Variants in DOCK7 observed in about 807,000 individuals in gnomAD.
The protein encoded by DOCK7 is dedicator of cytokinesis protein 7.
Under a neutral mutation model 271.0 loss-of-function variants are expected in DOCK7, and 138 were observed. The ratio of observed to expected loss-of-function variants is 0.51; its 90% CI spans 0.44 to 0.59. The LOEUF (loss-of-function observed/expected upper bound fraction) is 0.59. Ranked by LOEUF, DOCK7 falls within the 20% of genes least tolerant of loss-of-function variation. The probability of loss-of-function intolerance (pLI) is 0.00; values close to 1 mark genes in which losing one functional copy is unlikely to be tolerated. For synonymous variants in DOCK7, 823 were observed against 876.1 expected, an observed-to-expected ratio of 0.94 and a Z score of 1.07; for missense variants, 2,066 against 2,592.4, an observed-to-expected ratio of 0.80 and a Z score of 4.41.
At chr1:62,468,444 C>T (rs927974907) in intron 48 of DOCK7, among the ~76,000 whole-genome samples, 65 of 151,402 alleles carry the variant, frequency 4.3e-4, no homozygotes, top group Admixed American at 4.0e-3. Context: ...ATGACAAATC[C>T]ACAGCCAACA....
chr1:62,632,520 T>G (rs1452396518), intron 10 of DOCK7, among the ~76,000 whole-genome samples: 1 of 152,214 alleles, frequency 6.6e-6, no homozygotes, highest in Non-Finnish European at 1.5e-5. Context: ...GGGTTTGGGT[T>G]GCTTACCCAG....
chr1:62,625,164 C>A, intron 12 of DOCK7, 95 bp downstream of exon 12: 1 of 1,108,224 alleles, frequency 9.0e-7, no homozygotes. Context: ...TGGAATCACC[C>A]TCCCATACAT....
At chr1:62,621,086 C>T (rs1278586912) in intron 12 of DOCK7, among the ~76,000 whole-genome samples, 1 of 151,636 alleles carries the variant, frequency 6.6e-6, no homozygotes, top group Admixed American at 6.6e-5. Flanking sequence ...AATGCAAAAT[C>T]TGCAGCACTG....
At chr1:62,592,337 T>C (rs1037045007) in intron 14 of DOCK7, among the ~76,000 whole-genome samples, 2 of 152,128 alleles carry the variant, frequency 1.3e-5, no homozygotes, top group Non-Finnish European at 2.9e-5. Context: ...AAATAAATTA[T>C]AGATCAAAGG....
chr1:62,637,143 C>T (rs1248617127), intron 7 of DOCK7, among the ~76,000 whole-genome samples: 1 of 152,110 alleles, frequency 6.6e-6, no homozygotes, highest in Non-Finnish European at 1.5e-5. Flanking sequence ...TCACAGTATA[C>T]ATAATTTGTA....
chr1:62,650,679 C>A (rs1460071398), intron 4 of DOCK7, among the ~76,000 whole-genome samples: 1 of 152,140 alleles, frequency 6.6e-6, no homozygotes, highest in Non-Finnish European at 1.5e-5. Context: ...CTGCAGCCAA[C>A]AGACACATGA....
intron 40 of DOCK7, among the ~76,000 whole-genome samples, chr1:62,493,579 A>G (rs949660209): frequency 6.6e-6 from 1 of 152,120 alleles, no homozygotes; most frequent in African/African-American, 2.4e-5. Flanking sequence ...CCCCCAATCT[A>G]TTTGTCTGGC....
intron 49 of DOCK7, among the ~76,000 whole-genome samples, chr1:62,456,980 C>T (rs938644071): frequency 2.6e-5 from 4 of 152,112 alleles, no homozygotes; most frequent in African/African-American, 9.7e-5. Context: ...GTGTCCTTTC[C>T]AGAATTCCGG....
intron 9 of DOCK7, 89 bp from the exon 10 acceptor site, chr1:62,633,667 A>C (rs1277361143): frequency 1.2e-6 from 1 of 860,440 alleles, no homozygotes; most frequent in African/African-American, 1.7e-5. Context: ...ATAACACATT[A>C]ACAGAATGAC....
At chr1:62,463,605 T>G (rs1403252033) in intron 48 of DOCK7, among the ~76,000 whole-genome samples, 2 of 152,210 alleles carry the variant, frequency 1.3e-5, no homozygotes, top group African/African-American at 2.4e-5. Context: ...CATGGCATAT[T>G]CATAAAACGG....
intron 2 of DOCK7, among the ~76,000 whole-genome samples, chr1:62,660,642 C>T (rs2149710885): frequency 6.6e-6 from 1 of 152,060 alleles, no homozygotes; most frequent in African/African-American, 2.4e-5. Flanking sequence ...AGGTATATAC[C>T]CAAAAGAACT....
rs1427519080 is a variant in DOCK7 at position 62,545,030 on chromosome 1, G to C, written c.2776C>G (p.Arg926Gly). The C allele has an allele frequency of 7.1e-6, 11 of 1,549,120 alleles. No individual in the cohort carries two copies. The highest frequency in any genetic ancestry group is 9.6e-6 in the Non-Finnish European group (11 of 1,146,082). The change falls in exon 23 of 50, where the codon CGC (arginine) becomes GGC (glycine). Residue 926 changes from arginine to glycine, a missense_variant. Transcript: ENST00000635253. ...CCAGTGTTAACCCAGGAATTGGAGC[G>C]ATCTAAACCCTAAGCATATAATAGA... ...RSIIGSKGLD[R>G]SNSWVNTGGP...
intron 21 of DOCK7, among the ~76,000 whole-genome samples, chr1:62,553,376 T>C (rs1571518668): frequency 1.2e-4 from 1 of 8,170 alleles, no homozygotes; most frequent in East Asian, 6.6e-3. Context: ...TTTTTTTTTT[T>C]TTTTTTTTTA....
chr1:62,522,206 A>G (rs933965702), intron 31 of DOCK7, among the ~76,000 whole-genome samples: 15 of 152,092 alleles, frequency 9.9e-5, no homozygotes, highest in African/African-American at 3.4e-4. Flanking sequence ...TCCCTACCTC[A>G]TTTTAATTGG....
intron 25 of DOCK7, among the ~76,000 whole-genome samples, chr1:62,541,282 C>T (rs1450671900): frequency 6.6e-6 from 1 of 152,130 alleles, no homozygotes; most frequent in Non-Finnish European, 1.5e-5. Context: ...AATACCTAGG[C>T]CACAGGGCAG....
At chr1:62,560,008 C>T (rs1403937641) in intron 19 of DOCK7, among the ~76,000 whole-genome samples, 1 of 152,194 alleles carries the variant, frequency 6.6e-6, no homozygotes, top group East Asian at 1.9e-4. Context: ...TGGCAGACAA[C>T]ATTTCACATA....
chr1:62,610,212 T>C (rs1403095442), intron 14 of DOCK7, among the ~76,000 whole-genome samples: 1 of 152,092 alleles, frequency 6.6e-6, no homozygotes, highest in Non-Finnish European at 1.5e-5. Flanking sequence ...CAGAGTGGTA[T>C]AACAAGGACA....
intron 14 of DOCK7, chr1:62,598,885 C>G (rs1649693647): frequency 3.5e-6 from 3 of 868,104 alleles, no homozygotes; most frequent in Non-Finnish European, 5.7e-6. Context: ...TATTTACAAG[C>G]TTTAACTGGA....
chr1:62,543,403 T>C (rs1571474340), intron 24 of DOCK7: 2 of 279,654 alleles, frequency 7.2e-6, no homozygotes, highest in African/African-American at 4.4e-5. Context: ...TAAAATTTGA[T>C]GATCAAATTT....
Sources: gnomAD v4.1 joint callset for allele counts (sites outside exome capture counted in the v4.1 genomes callset) on GRCh38, gnomAD v4.1.1 for gene constraint, MANE v1.5 for transcripts, NCBI Gene and HGNC (gene_info 2026-07-23, HGNC 2026-07-21) for gene names.